Variants in PRKCE observed in about 807,000 individuals in gnomAD.
PRKCE encodes protein kinase C epsilon type.
A neutral mutation model predicts 85.4 loss-of-function variants in PRKCE; 16 were observed. That is an observed-to-expected ratio of 0.19 (90% CI 0.13 to 0.28). The LOEUF (loss-of-function observed/expected upper bound fraction) is 0.28. PRKCE is among the 10% of genes least tolerant of loss of function. PRKCE has a pLI of 1.00. For synonymous variants in PRKCE, 388 were observed against 371.5 expected (o/e 1.04, Z -0.51); for missense variants, 573 against 975.2 (o/e 0.59, Z 5.49).
Position 45,907,683 on chromosome 2 carries a change from G to A in PRKCE, c.412+64620G>A, listed in dbSNP as rs549999738. The stretch of plus-strand genomic sequence containing the variant: ...GGAGCATGAGCCCACATCTGCCGTG[G>A]CCACCTCTCCAAGGCCAAGTGGAGC... On this transcript the variant is annotated intron_variant, in intron 2 of 14. Transcript: ENST00000306156. This position sits in a 1 kb window ranked among gnomAD's most constrained non-coding sequence, Gnocchi z 4.5. Among the ~76,000 whole-genome samples, 11 of 152,282 alleles carry A rather than the reference G, an allele frequency of 7.2e-5. No individual in the cohort carries two copies. The highest frequency in any genetic ancestry group is 2.4e-4 in the African/African-American group (10 of 41,550).
intron 1 of PRKCE, chr2:45,677,849 A>G: frequency 3.0e-6 from 3 of 985,502 alleles, no homozygotes. Flanking sequence ...ACCGCTTCAG[A>G]TGGGCAGTGA....
At chr2:46,045,374 G>A (rs187399354) in intron 10 of PRKCE, among the ~76,000 whole-genome samples, 66 of 152,292 alleles carry the variant, frequency 4.3e-4, no homozygotes, top group African/African-American at 1.5e-3. Context: ...AATTTTGACC[G>A]TCCTCTTTGA....
At chr2:45,787,143 C>A (rs184913130) in intron 1 of PRKCE, among the ~76,000 whole-genome samples, 1 of 152,176 alleles carries the variant, frequency 6.6e-6, no homozygotes, top group South Asian at 2.1e-4. Flanking sequence ...CTGGGAGGAG[C>A]GTGGCTGTAG....
intron 1 of PRKCE, among the ~76,000 whole-genome samples, chr2:45,806,983 T>C (rs11901071): frequency 0.015 from 2,325 of 152,266 alleles, 55 homozygotes; most frequent in African/African-American, 0.052. Context: ...AGGAGGCTGA[T>C]GAGACTATGC....
intron 2 of PRKCE, among the ~76,000 whole-genome samples, chr2:45,888,513 C>T (rs1695471851): frequency 7.9e-6 from 1 of 126,758 alleles, no homozygotes; most frequent in Non-Finnish European, 1.6e-5. Flanking sequence ...ATTCTTGTCA[C>T]CCAGGCTGGA....
Position 45,679,302 on chromosome 2 carries a change from C to T in PRKCE, c.348+26854C>T, listed in dbSNP as rs1194679954. On this transcript the variant is annotated intron_variant, in intron 1 of 14. Coordinates refer to ENST00000306156, the MANE Select transcript of PRKCE (RefSeq NM_005400.3). ...CACAGTATTGGAAGCCTAATTATTT[C>T]CACTAAGATTGAGATTATTCCCTCT... Among the ~76,000 whole-genome samples, 5 of 152,156 alleles carry T rather than the reference C, an allele frequency of 3.3e-5. No homozygotes were observed. The South Asian group carries it at 8.3e-4, about 25-fold the overall frequency.
intron 2 of PRKCE, among the ~76,000 whole-genome samples, chr2:45,872,300 G>A (rs1694157578): frequency 6.6e-6 from 1 of 152,170 alleles, no homozygotes. Flanking sequence ...GACCCTGCAA[G>A]CAAAGAAGTA....
intron 1 of PRKCE, among the ~76,000 whole-genome samples, chr2:45,756,980 G>A (rs879631810): frequency 2.6e-5 from 4 of 152,174 alleles, no homozygotes; most frequent in Admixed American, 2.6e-4. Context: ...GCTGGGCGTG[G>A]TGGCTCATGC....
intron 2 of PRKCE, among the ~76,000 whole-genome samples, chr2:45,883,046 T>C (rs566655657): frequency 1.5e-4 from 23 of 151,724 alleles, no homozygotes; most frequent in African/African-American, 5.4e-4. Flanking sequence ...TGGGCTTAAA[T>C]TTTAGTTGGG....
At chr2:46,172,457 G>A (rs1380125888) in intron 14 of PRKCE, among the ~76,000 whole-genome samples, 1 of 151,992 alleles carries the variant, frequency 6.6e-6, no homozygotes. Context: ...CCAAAGGAGT[G>A]TATAGGTGTG....
intron 6 of PRKCE, among the ~76,000 whole-genome samples, chr2:45,986,727 A>G (rs1703355438): frequency 6.6e-6 from 1 of 152,174 alleles, no homozygotes; most frequent in Non-Finnish European, 1.5e-5. Context: ...CAATCCAGCC[A>G]CTGGACATGA....
At chr2:46,134,276 G>T (rs1324284755) in intron 11 of PRKCE, among the ~76,000 whole-genome samples, 1 of 152,156 alleles carries the variant, frequency 6.6e-6, no homozygotes, top group African/African-American at 2.4e-5. Flanking sequence ...CTCATGGAAT[G>T]GTCCCTTGTG....
chr2:45,901,047 G>T (rs1437768760), intron 2 of PRKCE, among the ~76,000 whole-genome samples: 1 of 152,182 alleles, frequency 6.6e-6, no homozygotes, highest in Admixed American at 6.5e-5. Context: ...TCGCTGGGTT[G>T]GCTAGGGAAA....
chr2:45,779,280 C>T (rs368413781), intron 1 of PRKCE, among the ~76,000 whole-genome samples: 3 of 152,334 alleles, frequency 2.0e-5, no homozygotes, highest in Admixed American at 1.3e-4. Flanking sequence ...GACCCTTGCA[C>T]ACTGCAGTAG....
chr2:46,106,672 G>C (rs1343579396), intron 11 of PRKCE, among the ~76,000 whole-genome samples: 1 of 152,156 alleles, frequency 6.6e-6, no homozygotes, highest in African/African-American at 2.4e-5. Context: ...TGCACACCTG[G>C]TGTCTTTTCT....
intron 10 of PRKCE, among the ~76,000 whole-genome samples, chr2:46,079,341 A>G (rs114777909): frequency 1.8e-3 from 273 of 152,330 alleles, no homozygotes; most frequent in African/African-American, 6.4e-3. Flanking sequence ...AGGAGAGTTT[A>G]GCACATAATT....
At chr2:45,792,805 AT>A (rs773609292) in intron 1 of PRKCE, among the ~76,000 whole-genome samples, 1 of 151,928 alleles carries the variant, frequency 6.6e-6, no homozygotes, top group Non-Finnish European at 1.5e-5. Context: ...TAATTAATTA[AT>A]TTTTTTTGTT....
At chr2:46,079,249 AAGC>A (rs1230424899) in intron 10 of PRKCE, among the ~76,000 whole-genome samples, 1 of 152,148 alleles carries the variant, frequency 6.6e-6, no homozygotes, top group East Asian at 1.9e-4. Context: ...CTAAGTGATA[AAGC>A]CTGGATGAGC....
intron 10 of PRKCE, among the ~76,000 whole-genome samples, chr2:46,082,084 ACT>A (rs1669133562): frequency 1.3e-5 from 2 of 152,066 alleles, no homozygotes; most frequent in South Asian, 2.1e-4. Context: ...ACAGAGCAAG[ACT>A]CTCAAAAAAA....
Sources: allele counts gnomAD v4.1 joint callset (sites outside exome capture counted in the v4.1 genomes callset), GRCh38; gene constraint gnomAD v4.1.1; non-coding constraint Gnocchi (gnomAD v3.1); transcripts MANE v1.5; gene names NCBI Gene and HGNC (gene_info 2026-07-23, HGNC 2026-07-21).